PPP1R9A: variants seen among roughly 807,000 people sequenced by gnomAD.
PPP1R9A encodes protein phosphatase 1 regulatory subunit 9A.
A neutral mutation model predicts 141.9 loss-of-function variants in PPP1R9A; 59 were observed. That is an observed-to-expected ratio of 0.42 (90% CI 0.34 to 0.52). PPP1R9A has a LOEUF of 0.52. Ranked by LOEUF, PPP1R9A falls within the 20% of genes least tolerant of loss-of-function variation. PPP1R9A has a pLI of 0.10. For missense variants in PPP1R9A, 1,444 were observed against 1,611.9 expected (o/e 0.90, Z 1.78); for synonymous variants, 500 against 569.7 (o/e 0.88, Z 1.74).
intron 2 of PPP1R9A, among the ~76,000 whole-genome samples, chr7:94,950,562 T>C (rs1796356810): frequency 6.6e-6 from 1 of 152,054 alleles, no homozygotes; most frequent in African/African-American, 2.4e-5. Flanking sequence ...ATCTGTAGAT[T>C]AAATTTGAGA....
intron 4 of PPP1R9A, among the ~76,000 whole-genome samples, chr7:95,134,347 T>A (rs1825236212): frequency 6.6e-6 from 1 of 152,100 alleles, no homozygotes; most frequent in South Asian, 2.1e-4. Flanking sequence ...AGGGAGAACA[T>A]TAGGATAAAT....
chr7:94,998,663 G>C (rs1802487352), intron 2 of PPP1R9A, among the ~76,000 whole-genome samples: 1 of 152,102 alleles, frequency 6.6e-6, no homozygotes, highest in Non-Finnish European at 1.5e-5. Context: ...ATTAAATCCA[G>C]TCCAACATTT....
chr7:95,228,247 C>T (rs568815270), intron 8 of PPP1R9A, among the ~76,000 whole-genome samples: 55 of 152,296 alleles, frequency 3.6e-4, no homozygotes, highest in African/African-American at 1.2e-3. Context: ...TATCTATCTT[C>T]CTGCTAAACT....
At chr7:95,162,881 A>G (rs1241464792) in intron 5 of PPP1R9A, among the ~76,000 whole-genome samples, 1 of 152,202 alleles carries the variant, frequency 6.6e-6, no homozygotes, top group Non-Finnish European at 1.5e-5. Context: ...TCTAATGCTA[A>G]AGGGATGCCT....
At chr7:94,990,400 C>T (rs1186231337) in intron 2 of PPP1R9A, among the ~76,000 whole-genome samples, 1 of 152,136 alleles carries the variant, frequency 6.6e-6, no homozygotes, top group African/African-American at 2.4e-5. Flanking sequence ...TGTGCTAAAT[C>T]GGAGTTGTTC....
At chr7:95,039,557 G>GAA (rs35700599) in intron 2 of PPP1R9A, among the ~76,000 whole-genome samples, 13 of 123,380 alleles carry the variant, frequency 1.1e-4, no homozygotes, top group South Asian at 2.6e-4. Context: ...GACTACATCT[G>GAA]AAAAAAAAAA....
intron 4 of PPP1R9A, among the ~76,000 whole-genome samples, chr7:95,142,263 G>T (rs1164334530): frequency 4.6e-5 from 7 of 152,002 alleles, no homozygotes; most frequent in African/African-American, 1.4e-4. Flanking sequence ...TTTCTTATCA[G>T]ATACATAATA....
chr7:95,075,649 C>T (rs1814725203), intron 2 of PPP1R9A, among the ~76,000 whole-genome samples: 1 of 152,070 alleles, frequency 6.6e-6, no homozygotes, highest in Admixed American at 6.5e-5. Flanking sequence ...TCCTGGCTAA[C>T]ACGGTGAAAC....
intron 2 of PPP1R9A, among the ~76,000 whole-genome samples, chr7:95,042,720 T>C (rs1809433543): frequency 6.6e-6 from 1 of 152,170 alleles, no homozygotes; most frequent in East Asian, 1.9e-4. Context: ...TTGAATTTAG[T>C]CAATAGGTTA....
At chr7:95,250,310 GT>G in intron 10 of PPP1R9A, 55 bp downstream of exon 10, 1 of 1,448,518 alleles carries the variant, frequency 6.9e-7, no homozygotes, top group Non-Finnish European at 9.4e-7. Flanking sequence ...GAAGGTTTAT[GT>G]CCAATAATTT....
intron 4 of PPP1R9A, among the ~76,000 whole-genome samples, chr7:95,134,138 T>TA (rs1365963854): frequency 2.0e-5 from 3 of 151,942 alleles, no homozygotes; most frequent in South Asian, 2.1e-4. Flanking sequence ...TATGCAGCCA[T>TA]AAAAAAAGAA....
chr7:95,261,633 A>C (rs1382189781), intron 12 of PPP1R9A, among the ~76,000 whole-genome samples: 1 of 152,118 alleles, frequency 6.6e-6, no homozygotes, highest in African/African-American at 2.4e-5. Context: ...TAAATCTTTT[A>C]ATTTGTTGAA....
At chr7:95,147,706 G>T (rs1827892360) in intron 4 of PPP1R9A, among the ~76,000 whole-genome samples, 1 of 152,176 alleles carries the variant, frequency 6.6e-6, no homozygotes, top group African/African-American at 2.4e-5. Context: ...TTATCATGAA[G>T]AGGTGTTGAA....
intron 2 of PPP1R9A, among the ~76,000 whole-genome samples, chr7:95,081,979 G>A (rs948717721): frequency 6.6e-6 from 1 of 152,060 alleles, no homozygotes. Context: ...CACTTCAGGG[G>A]GCTTATAGTA....
intron 4 of PPP1R9A, 73 bp from the exon 5 acceptor site, chr7:95,161,794 T>A: frequency 2.1e-6 from 2 of 967,748 alleles, no homozygotes; most frequent in South Asian, 3.5e-5. Flanking sequence ...GTCAACTGAT[T>A]TGTTGGAAAT....
At chr7:95,109,269 C>A (rs1820121336) in intron 2 of PPP1R9A, among the ~76,000 whole-genome samples, 1 of 152,050 alleles carries the variant, frequency 6.6e-6, no homozygotes, top group Non-Finnish European at 1.5e-5. Flanking sequence ...ACTTCTTTAC[C>A]TTCTCAGGAA....
At chr7:95,193,241 T>G (rs1364375066) in intron 5 of PPP1R9A, among the ~76,000 whole-genome samples, 1 of 148,610 alleles carries the variant, frequency 6.7e-6, no homozygotes, top group Non-Finnish European at 1.5e-5. Context: ...CTGGGTGCTA[T>G]AACACTGCTC....
intron 4 of PPP1R9A, among the ~76,000 whole-genome samples, chr7:95,137,995 C>T (rs1312388284): frequency 8.1e-5 from 12 of 148,530 alleles, no homozygotes; most frequent in African/African-American, 2.5e-4. Context: ...TGCAGTGGCG[C>T]GATCTCGGCT....
intron 6 of PPP1R9A, among the ~76,000 whole-genome samples, chr7:95,200,079 T>C (rs1789205696): frequency 6.6e-6 from 1 of 151,694 alleles, no homozygotes; most frequent in Non-Finnish European, 1.5e-5. Context: ...CAAAATTCCT[T>C]CCAGCTTCTA....
Sources: allele counts gnomAD v4.1 joint callset (sites outside exome capture counted in the v4.1 genomes callset), GRCh38; gene constraint gnomAD v4.1.1; transcripts MANE v1.5; gene names NCBI Gene and HGNC (gene_info 2026-07-23, HGNC 2026-07-21).